MMD2: variants seen among roughly 807,000 people sequenced by gnomAD.
The protein encoded by MMD2 is monocyte to macrophage differentiation factor 2.
MMD2 carries 30 observed loss-of-function variants against 33.5 expected under a neutral mutation model. The observed-to-expected ratio is 0.90, with a 90% CI of 0.67 to 1.22. The LOEUF (loss-of-function observed/expected upper bound fraction) is 1.22, where lower values mean the gene tolerates loss of function less well. MMD2 is among the 50% of genes most tolerant of loss of function. The pLI, the probability that MMD2 is intolerant of heterozygous loss-of-function variation, is 0.00. For missense variants in MMD2, 364 were observed against 325.4 expected, an observed-to-expected ratio of 1.12 and a Z score of -0.91; for synonymous variants, 129 against 123.0, an observed-to-expected ratio of 1.05 and a Z score of -0.32.
At chr7:4,926,969 T>C (rs7779686) in intron 1 of MMD2, among the ~76,000 whole-genome samples, 99,144 of 151,226 alleles carry the variant, frequency 0.66, 33,254 homozygotes, top group African/African-American at 0.8. Context: ...TGGTCTCGAA[T>C]TCCTGACCTC....
chr7:4,918,830 G>A (rs1785204783), intron 3 of MMD2, among the ~76,000 whole-genome samples: 1 of 151,904 alleles, frequency 6.6e-6, no homozygotes, highest in South Asian at 2.1e-4. Flanking sequence ...AGGCACAGTG[G>A]CTCACACTTG....
At chr7:4,912,552 A>C in intron 4 of MMD2, among the ~76,000 whole-genome samples, 1 of 148,720 alleles carries the variant, frequency 6.7e-6, no homozygotes, top group Non-Finnish European at 1.5e-5. Context: ...ACAGAGCAAG[A>C]CTCTGTCTCA....
Position 4,959,013 on chromosome 7 carries a change from A to G in MMD2, c.5T>C (p.Phe2Ser). Reference sequence around the variant, plus strand: ...CTGGAAATCCAGCAGCCGGGGGGCGAACATCGCGGCGCTTCCATGGGAATC... The same window carrying G: ...CTGGAAATCCAGCAGCCGGGGGGCGGACATCGCGGCGCTTCCATGGGAATC... Reference protein sequence around the residue: MFAPRLLDFQKT... With the variant: MSAPRLLDFQKT... The change falls in exon 1 of 7, where the codon TTC (phenylalanine) becomes TCC (serine). Residue 2 changes from phenylalanine to serine, a missense_variant. Transcript: ENST00000401401. The G allele has an allele frequency of 7.9e-7, 1 of 1,268,602 alleles. No homozygotes were observed. The highest frequency in any genetic ancestry group is 1.0e-6 in the Non-Finnish European group (1 of 999,298). The allele number at this position is 1,268,602 out of a possible 1,614,324, so 78.6% of individuals were successfully genotyped here. A position where few individuals can be genotyped will look rare whatever the true frequency, so the allele number is the denominator to read the frequency against.
rs527419725 is a variant in MMD2 at position 4,946,173 on chromosome 7, A to C, written c.47+12798T>G. 1.9e-4 allele frequency among the ~76,000 whole-genome samples: 29 copies of C among 150,652 alleles called. No individual in the cohort carries two copies. Among genetic ancestry groups the C allele is most frequent in the Non-Finnish European group, 2.8e-4 (19 of 67,666 alleles). On this transcript the variant is annotated intron_variant, in intron 1 of 6. Coordinates refer to ENST00000401401, the MANE Select transcript of MMD2 (RefSeq NM_198403.4). The surrounding 1 kb of genome is among the most constrained non-coding windows in gnomAD (Gnocchi z 5.0). ...CACACCCGCGCGCACACCTGCACAC[A>C]TGCACACACACGCGCGCACACCCAC...
At chr7:4,932,162 GTTAT>G (rs1785606170) in intron 1 of MMD2, among the ~76,000 whole-genome samples, 1 of 152,146 alleles carries the variant, frequency 6.6e-6, no homozygotes, top group Admixed American at 6.6e-5. Flanking sequence ...GGGGCGGGCA[GTTAT>G]TTATTTATTT....
intron 1 of MMD2, among the ~76,000 whole-genome samples, chr7:4,934,638 T>C (rs1255059220): frequency 1.3e-5 from 2 of 152,180 alleles, no homozygotes; most frequent in African/African-American, 4.8e-5. Flanking sequence ...CACATGGCCA[T>C]GGCTTGGTGG....
At chr7:4,931,139 C>G (rs996783321) in intron 1 of MMD2, among the ~76,000 whole-genome samples, 6 of 152,136 alleles carry the variant, frequency 3.9e-5, no homozygotes, top group Non-Finnish European at 8.8e-5. Context: ...GCGTGAGCCA[C>G]TGTGCCCGGC....
Position 4,920,189 on chromosome 7 carries a change from C to G in MMD2, c.272G>C (p.Trp91Ser), listed in dbSNP as rs1416256204. Reference sequence around the variant, plus strand: ...GAGGCACCTGAGGTGGCTCTTCTTCCAGGAGATGGTGTGAAACACAGTGGA... The same window carrying G: ...GAGGCACCTGAGGTGGCTCTTCTTCGAGGAGATGGTGTGAAACACAGTGGA... Reference protein sequence around the residue: ...VVSTVFHTISWKKSHLRMVEH... With the variant: ...VVSTVFHTISSKKSHLRMVEH... The change falls in exon 3 of 7, where the codon TGG becomes TCG. Residue 91 changes from tryptophan (W) to serine (S), a missense_variant. Trp to Ser is a radical substitution (Grantham distance 177, BLOSUM62 -3). Transcript: ENST00000401401. The G allele has an allele frequency of 6.4e-7, 1 of 1,565,652 alleles. No individual in the cohort carries two copies. Among genetic ancestry groups the G allele is most frequent in the African/African-American group, 1.4e-5 (1 of 73,726 alleles).
At chr7:4,934,353 C>T (rs1401157080) in intron 1 of MMD2, among the ~76,000 whole-genome samples, 2 of 152,202 alleles carry the variant, frequency 1.3e-5, no homozygotes, top group East Asian at 3.8e-4. Flanking sequence ...ATCCTCCCGC[C>T]TCTGACTCCC....
intron 1 of MMD2, among the ~76,000 whole-genome samples, chr7:4,927,719 C>T (rs1299429152): frequency 6.6e-6 from 1 of 152,056 alleles, no homozygotes; most frequent in Non-Finnish European, 1.5e-5. Flanking sequence ...AAAAACCAAA[C>T]CAAAACAAAA....
chr7:4,911,951 A>T (rs1312429990), intron 4 of MMD2, among the ~76,000 whole-genome samples: 1 of 151,674 alleles, frequency 6.6e-6, no homozygotes, highest in Non-Finnish European at 1.5e-5. Context: ...CCGGCCTCCA[A>T]TCCTTTGTTA....
At chr7:4,958,173 T>C (rs73328942) in intron 1 of MMD2, among the ~76,000 whole-genome samples, 2,670 of 152,136 alleles carry the variant, frequency 0.018, 88 homozygotes, top group African/African-American at 0.061. Context: ...AGCAGACGGG[T>C]CTGTGCTCGC....
chr7:4,958,773 C>T (rs1308125748), intron 1 of MMD2, among the ~76,000 whole-genome samples, 198 bp downstream of exon 1: 2 of 152,200 alleles, frequency 1.3e-5, no homozygotes, highest in Non-Finnish European at 2.9e-5. Context: ...AGCGAGGAGG[C>T]GCGGGCGCCC....
intron 1 of MMD2, among the ~76,000 whole-genome samples, chr7:4,956,785 A>G (rs1786392162): frequency 6.6e-6 from 1 of 152,170 alleles, no homozygotes; most frequent in Admixed American, 6.6e-5. Flanking sequence ...CTGGTTGCTG[A>G]GACTTCAGAG....
intron 1 of MMD2, among the ~76,000 whole-genome samples, chr7:4,941,494 G>C (rs905453751): frequency 1.3e-5 from 2 of 152,050 alleles, no homozygotes; most frequent in Non-Finnish European, 2.9e-5. Flanking sequence ...GCCGGGCGTG[G>C]TGGCGGGTGC....
chr7:4,925,750 C>T (rs1785408894), intron 1 of MMD2, among the ~76,000 whole-genome samples: 1 of 152,182 alleles, frequency 6.6e-6, no homozygotes, highest in South Asian at 2.1e-4. Context: ...TGTGCCTAAT[C>T]CCCAATGCAG....
chr7:4,909,665 G>T, intron 6 of MMD2: 1 of 735,706 alleles, frequency 1.4e-6, no homozygotes, highest in South Asian at 1.5e-5. Context: ...CAAATCCCTG[G>T]ACTCAAACTA....
intron 1 of MMD2, among the ~76,000 whole-genome samples, chr7:4,925,780 C>A (rs1268362707): frequency 6.6e-6 from 1 of 152,108 alleles, no homozygotes; most frequent in African/African-American, 2.4e-5. Context: ...CAAAATTTTA[C>A]TAAATGCTAG....
In MMD2 at chr7:4,906,073, G is replaced by C. The variant is rs530069228; in HGVS notation, c.*1323C>G. 12 of 160,024 alleles carry C rather than the reference G, an allele frequency of 7.5e-5. No individual in the cohort carries two copies. The highest frequency in any genetic ancestry group is 2.9e-4 in the African/African-American group (12 of 41,938). 9.9% of individuals were successfully genotyped at this position (160,024 alleles called of 1,614,324 possible). A position where few individuals can be genotyped will look rare whatever the true frequency, so the allele number is the denominator to read the frequency against. ...GGAACCCTGGAACCCCCTGGAATGTGCTAGAGATAAGCATAAGGCATCCTG... is the reference window on the plus strand; with the variant it reads ...GGAACCCTGGAACCCCCTGGAATGTCCTAGAGATAAGCATAAGGCATCCTG... On this transcript the variant is annotated 3_prime_UTR_variant, in exon 7 of 7. Coordinates refer to ENST00000401401, the MANE Select transcript of MMD2 (RefSeq NM_198403.4).
Sources: allele counts gnomAD v4.1 joint callset (sites outside exome capture counted in the v4.1 genomes callset), GRCh38; gene constraint gnomAD v4.1.1; non-coding constraint Gnocchi (gnomAD v3.1); transcripts MANE v1.5; gene names NCBI Gene and HGNC (gene_info 2026-07-23, HGNC 2026-07-21).